Variants in TBC1D30 observed in about 807,000 individuals in gnomAD.
TBC1D30 encodes TBC1 domain family member 30, also known as TBC1 domain family, member 30.
Under a neutral mutation model 63.2 loss-of-function variants are expected in TBC1D30, and 31 were observed. The observed-to-expected ratio is 0.49, with a 90% CI of 0.37 to 0.66. TBC1D30 has a LOEUF of 0.66. Ranked by LOEUF, TBC1D30 falls within the 30% of genes least tolerant of loss-of-function variation. TBC1D30 has a pLI of 0.00. For synonymous variants in TBC1D30, 307 were observed against 361.5 expected, an observed-to-expected ratio of 0.85 and a Z score of 1.71; for missense variants, 810 against 953.6, an observed-to-expected ratio of 0.85 and a Z score of 1.98.
intron 2 of TBC1D30, chr12:64,818,467 C>T (rs1873686055): frequency 2.2e-6 from 2 of 913,994 alleles, no homozygotes; most frequent in Non-Finnish European, 2.6e-6. Context: ...CAGTCTCGTG[C>T]TGTTGCCAGG....
Position 64,880,946 on chromosome 12 carries a change from T to C in TBC1D30, c.*5158T>C, listed in dbSNP as rs1311884344. 3 of 152,242 alleles carry C rather than the reference T, an allele frequency of 2.0e-5. No individual in the cohort carries two copies. Among genetic ancestry groups the C allele is most frequent in the African/African-American group, 7.2e-5 (3 of 41,464 alleles). The allele number at this position is 152,242 out of a possible 1,614,324, so 9.4% of individuals were successfully genotyped here. On this transcript the variant is annotated 3_prime_UTR_variant, in exon 12 of 12. Transcript: ENST00000539867. Reference sequence around the variant, plus strand: ...AACAGTTTTCTGGGAAGAAACTTCCTGATACCTCAGCCTAGGAATCTCCCT... The same window carrying C: ...AACAGTTTTCTGGGAAGAAACTTCCCGATACCTCAGCCTAGGAATCTCCCT...
At chr12:64,785,047 A>C (rs545148476) in intron 1 of TBC1D30, among the ~76,000 whole-genome samples, 1 of 152,338 alleles carries the variant, frequency 6.6e-6, no homozygotes, top group South Asian at 2.1e-4. Context: ...TGGATATTCA[A>C]AACAAAATCA....
At chr12:64,837,970 G>T (rs959991875) in intron 6 of TBC1D30, among the ~76,000 whole-genome samples, 1 of 152,042 alleles carries the variant, frequency 6.6e-6, no homozygotes, top group African/African-American at 2.4e-5. Flanking sequence ...TTACACTTAG[G>T]TATAATTGTA....
At chr12:64,786,098 G>A in intron 2 of TBC1D30, 12 of 1,239,270 alleles carry the variant, frequency 9.7e-6, no homozygotes, top group African/African-American at 1.5e-5. Flanking sequence ...AGAATGTTAG[G>A]AAAGCTGAGC....
At chr12:64,815,941 A>T (rs1320784004) in intron 2 of TBC1D30, among the ~76,000 whole-genome samples, 3 of 151,530 alleles carry the variant, frequency 2.0e-5, no homozygotes, top group Admixed American at 1.3e-4. Flanking sequence ...GCCTGGCCAA[A>T]TTTTTTTGGT....
intron 1 of TBC1D30, among the ~76,000 whole-genome samples, chr12:64,765,007 T>TA (rs1238328659): frequency 6.6e-6 from 1 of 152,158 alleles, no homozygotes; most frequent in Non-Finnish European, 1.5e-5. Flanking sequence ...ATAGTGGAGC[T>TA]AAACTATCAT....
At chr12:64,822,185 A>G (rs1019797287), upstream of TBC1D30, among the ~76,000 whole-genome samples, 10 of 151,180 alleles carry the variant, frequency 6.6e-5, 2 homozygotes, top group Admixed American at 2.6e-4. Flanking sequence ...AATAGCAGCC[A>G]TTTTTTTTTC....
chr12:64,868,679 C>A, intron 10 of TBC1D30: 1 of 286,028 alleles, frequency 3.5e-6, no homozygotes, highest in South Asian at 4.6e-5. Context: ...CCTTCTTTTT[C>A]TTCTCTTCGA....
upstream of TBC1D30, chr12:64,824,591 C>T (rs1308030931): frequency 1.5e-5 from 5 of 336,794 alleles, no homozygotes; most frequent in Non-Finnish European, 2.7e-5. Context: ...CCGTCTCCCA[C>T]GCGCTCGCTC....
chr12:64,822,675 C>CTT (rs4045050), upstream of TBC1D30, among the ~76,000 whole-genome samples: 79,168 of 135,384 alleles, frequency 0.58, 23,590 homozygotes, highest in East Asian at 0.89. Context: ...ATTTTTGTAG[C>CTT]TTTTTTTTTT....
chr12:64,811,110 A>G (rs1197966686), intron 2 of TBC1D30, among the ~76,000 whole-genome samples: 1 of 152,252 alleles, frequency 6.6e-6, no homozygotes, highest in Non-Finnish European at 1.5e-5. Flanking sequence ...GACATATGGC[A>G]AGGGAACATC....
At position 64,792,305 on chromosome 12, in the gene TBC1D30, C is replaced by CCATT. The variant is rs200561316; in HGVS notation, c.643+6261_643+6264dup. 5.3e-4 allele frequency among the ~76,000 whole-genome samples: 81 copies of CCATT among 152,346 alleles called. 2 individuals carry two copies. The East Asian group carries it at 0.01, about 19-fold the overall frequency. On this transcript the variant is annotated intron_variant, in intron 2 of 12. Transcript: ENST00000542120. ...TCTCTCTCCCCCACATTTGTGTTAA[C>CCATT]CATTACCTTGCTTTTCTTTATACTT... is the stretch of plus-strand genomic sequence containing the variant.
At chr12:64,819,474 T>C in intron 2 of TBC1D30, among the ~76,000 whole-genome samples, 1 of 139,160 alleles carries the variant, frequency 7.2e-6, no homozygotes, top group East Asian at 2.2e-4. Flanking sequence ...GCCAGTGCAG[T>C]GGCATGATCT....
chr12:64,769,971 T>A (rs947368523), intron 1 of TBC1D30, among the ~76,000 whole-genome samples: 27 of 152,360 alleles, frequency 1.8e-4, no homozygotes, highest in African/African-American at 6.0e-4. Context: ...ACATTTCCAG[T>A]AACTTTTGAA....
chr12:64,765,489 C>CAAA lies in TBC1D30; in HGVS notation c.-376+5840_-376+5841insAAA, dbSNP rs1565632985. 6.3e-4 allele frequency among the ~76,000 whole-genome samples: 6 copies of CAAA among 9,590 alleles called. 1 individual carries two copies. The highest frequency in any genetic ancestry group is 5.7e-3 in the South Asian group (1 of 176). 6.3% of individuals were successfully genotyped at this position (9,590 alleles called of 152,430 possible). ...CCTGGGCGACAGAGCAAGACTGTCT[C>CAAA]CAAAAAAAAAAAAAAAAAAAAAAAA... is the stretch of plus-strand genomic sequence containing the variant. On this transcript the variant is annotated intron_variant, in intron 1 of 13. Coordinates refer to the TBC1D30 transcript ENST00000674237.
In TBC1D30 at chr12:64,849,366, A is replaced by G. The variant is rs370579068; in HGVS notation, c.1038+5881A>G. Among the ~76,000 whole-genome samples, 8 of 152,264 alleles carry G rather than the reference A, an allele frequency of 5.3e-5. No homozygotes were observed. The East Asian group carries it at 1.4e-3, about 26-fold the overall frequency. ...GTCTTTGCCGATGTCTGTGTCATGA[A>G]TGGTATCACCTAGGTTTTCTTCTAG... On this transcript the variant is annotated intron_variant, in intron 8 of 11. Transcript: ENST00000539867.
At chr12:64,803,679 G>A (rs1452376179) in intron 2 of TBC1D30, among the ~76,000 whole-genome samples, 1 of 152,072 alleles carries the variant, frequency 6.6e-6, no homozygotes, top group African/African-American at 2.4e-5. Context: ...TTTTGTATAA[G>A]GTGTAAGGAA....
At chr12:64,841,909 G>C (rs1223459515) in intron 7 of TBC1D30, among the ~76,000 whole-genome samples, 1 of 152,138 alleles carries the variant, frequency 6.6e-6, no homozygotes, top group Non-Finnish European at 1.5e-5. Flanking sequence ...AATGGGATTA[G>C]AACAACACTC....
chr12:64,780,779 C>CGGGAGCCG (rs1871226791), exon 1 of TBC1D30: 3 of 988,932 alleles, frequency 3.0e-6, no homozygotes, highest in Non-Finnish European at 3.6e-6. Flanking sequence ...GGAGGAGCAG[C>CGGGAGCCG]GGGAGCCGGG....
Sources: gnomAD v4.1 joint callset for allele counts (sites outside exome capture counted in the v4.1 genomes callset) on GRCh38, gnomAD v4.1.1 for gene constraint, MANE v1.5 for transcripts, NCBI Gene and HGNC (gene_info 2026-07-23, HGNC 2026-07-21) for gene names.